KCTD2: variants seen among roughly 807,000 people sequenced by gnomAD.
The protein encoded by KCTD2 is potassium channel tetramerization domain containing 2, also known as BTB/POZ domain-containing protein KCTD2.
In KCTD2, 18 loss-of-function variants were observed where a neutral mutation model predicts 27.9. The ratio of observed to expected loss-of-function variants is 0.64; its 90% CI spans 0.45 to 0.96. The LOEUF is 0.96. KCTD2 is among the 40% of genes least tolerant of loss of function. KCTD2 has a pLI of 0.00. For synonymous variants in KCTD2, 175 were observed against 148.4 expected, an observed-to-expected ratio of 1.18 and a Z score of -1.30; for missense variants, 280 against 348.0, an observed-to-expected ratio of 0.80 and a Z score of 1.56.
At chr17:75,034,926 C>T (rs977146928) in intron 2 of KCTD2, among the ~76,000 whole-genome samples, 2 of 152,066 alleles carry the variant, frequency 1.3e-5, no homozygotes, top group African/African-American at 4.8e-5. Flanking sequence ...GGTCGCAATT[C>T]CCAGGGAGGC....
upstream of KCTD2, chr17:75,042,393 A>G: frequency 6.7e-7 from 1 of 1,500,722 alleles, no homozygotes; most frequent in Non-Finnish European, 9.1e-7. Flanking sequence ...TTCCTCTCCT[A>G]AGATCATCAT....
At chr17:75,041,109 AG>A (rs2073155402) in intron 3 of KCTD2, 1 of 152,124 alleles carries the variant, frequency 6.6e-6, no homozygotes, top group Non-Finnish European at 1.5e-5. Flanking sequence ...CTGTACTCCC[AG>A]CACTTTGGGA....
intron 3 of KCTD2, chr17:75,038,740 A>G: frequency 1.6e-6 from 1 of 614,564 alleles, no homozygotes; most frequent in Non-Finnish European, 2.7e-6. Flanking sequence ...CCCGTCAGAC[A>G]ACCAGCCCAA....
rs933839554 is a variant in KCTD2 at position 75,063,346 on chromosome 17, G to A, written c.*299G>A. On this transcript the variant is annotated 3_prime_UTR_variant, in exon 6 of 6. Coordinates refer to ENST00000322444, the MANE Select transcript of KCTD2 (RefSeq NM_015353.3). ...GCTGGGTTCCCAGTCGGAGCCTTTC[G>A]GGGATCTGGGGGATGAGGGCGGAAG... 1.3e-4 allele frequency: 55 copies of A among 423,868 alleles called. No individual in the cohort carries two copies. The highest frequency in any genetic ancestry group is 6.0e-5 in the African/African-American group (3 of 50,174). 26.3% of individuals were successfully genotyped at this position (423,868 alleles called of 1,614,324 possible). A position where few individuals can be genotyped will look rare whatever the true frequency, so the allele number is the denominator to read the frequency against.
chr17:75,052,487 C>G (rs2073298364), intron 2 of KCTD2, among the ~76,000 whole-genome samples: 1 of 152,154 alleles, frequency 6.6e-6, no homozygotes, highest in African/African-American at 2.4e-5. Flanking sequence ...TTTGGGAGGC[C>G]AAGGCAGATG....
chr17:75,058,731 G>A (rs572036008), intron 3 of KCTD2, among the ~76,000 whole-genome samples: 2 of 151,982 alleles, frequency 1.3e-5, no homozygotes, highest in East Asian at 1.9e-4. Flanking sequence ...CCGGGGAGGC[G>A]GAGTTGCAGT....
upstream of KCTD2, among the ~76,000 whole-genome samples, chr17:75,045,489 G>T (rs1314322708): frequency 6.6e-6 from 1 of 152,222 alleles, no homozygotes; most frequent in Non-Finnish European, 1.5e-5. Context: ...AACCATAAGA[G>T]ACAGGTACGC....
rs975343290 is a variant in KCTD2 at position 75,063,235 on chromosome 17, C to T, written c.*188C>T. On this transcript the variant is annotated 3_prime_UTR_variant, in exon 6 of 6. Transcript: ENST00000322444. ...CACCTGCAGGACTCCGAAGACAGTG[C>T]GACTTCTGGCTGCAGAATACCTTTT... is the stretch of plus-strand genomic sequence containing the variant. 7 of 623,292 alleles carry T rather than the reference C, an allele frequency of 1.1e-5. No individual in the cohort carries two copies. The highest frequency in any genetic ancestry group is 3.7e-5 in the African/African-American group (2 of 54,244). 38.6% of individuals were successfully genotyped at this position (623,292 alleles called of 1,614,324 possible). A position where few individuals can be genotyped will look rare whatever the true frequency, so the allele number is the denominator to read the frequency against.
intron 2 of KCTD2, among the ~76,000 whole-genome samples, chr17:75,051,646 A>C (rs1297245872): frequency 6.9e-6 from 1 of 145,876 alleles, no homozygotes. Flanking sequence ...CCCTACCCCC[A>C]TCCTCTTGCC....
At chr17:75,040,028 G>C in intron 3 of KCTD2, 1 of 1,546,544 alleles carries the variant, frequency 6.5e-7, no homozygotes, top group Non-Finnish European at 8.9e-7. Context: ...ACTTAACTTA[G>C]CTATAATAGA....
chr17:75,056,735 G>A (rs1487819016), intron 3 of KCTD2, among the ~76,000 whole-genome samples: 1 of 152,074 alleles, frequency 6.6e-6, no homozygotes, highest in African/African-American at 2.4e-5. Context: ...GCTGTGTGTG[G>A]ATTTTCGTTT....
intron 4 of KCTD2, among the ~76,000 whole-genome samples, chr17:75,060,989 C>T (rs1408678732): frequency 1.3e-5 from 2 of 152,204 alleles, no homozygotes. Context: ...GGTTGTAAAA[C>T]GTCGCCAAGA....
intron 3 of KCTD2, among the ~76,000 whole-genome samples, chr17:75,057,391 C>G (rs1398835007): frequency 2.6e-5 from 4 of 152,064 alleles, no homozygotes; most frequent in Non-Finnish European, 5.9e-5. Context: ...CAGCTGTGGC[C>G]AACATCACAG....
intron 3 of KCTD2, among the ~76,000 whole-genome samples, chr17:75,037,063 G>A (rs949860767): frequency 1.3e-5 from 2 of 152,128 alleles, no homozygotes; most frequent in African/African-American, 2.4e-5. Flanking sequence ...TGCAAAAATG[G>A]GCCAGGTGCG....
chr17:75,057,591 A>T, intron 3 of KCTD2, among the ~76,000 whole-genome samples: 3 of 128,992 alleles, frequency 2.3e-5, no homozygotes, highest in African/African-American at 3.0e-5. Context: ...GCAGAGTCTT[A>T]CTCTGTCGCC....
At chr17:75,060,584 G>T in intron 4 of KCTD2, 1 of 1,609,882 alleles carries the variant, frequency 6.2e-7, no homozygotes, top group Non-Finnish European at 8.5e-7. Flanking sequence ...AGAGCAGCTG[G>T]CCGGCGCCGG....
Position 75,053,050 on chromosome 17 carries a change from C to T in KCTD2, c.485C>T (p.Ser162Phe). 1.2e-6 allele frequency: 2 copies of T among 1,614,124 alleles called. No individual in the cohort carries two copies. Among genetic ancestry groups the T allele is most frequent in the Non-Finnish European group, 1.7e-6 (2 of 1,180,012 alleles). The change falls in exon 3 of 6, where the codon TCC (serine) becomes TTC (phenylalanine). Residue 162 changes from serine (S) to phenylalanine (F), a missense_variant. Physicochemically the swap from Ser to Phe is radical, Grantham distance 155 (BLOSUM62 -2). Coordinates refer to ENST00000322444, the MANE Select transcript of KCTD2 (RefSeq NM_015353.3). The part of the protein sequence containing the change: ...LEEAEFYNIA[S>F]LVRLVKERIR... The stretch of plus-strand genomic sequence containing the variant: ...GAAGCGGAGTTTTACAACATCGCGT[C>T]CCTTGTGCGGCTGGTTAAGGAAAGG...
rs556544571 is a variant in KCTD2 at position 75,048,611 on chromosome 17, T to G, written c.340-609T>G. On this transcript the variant is annotated intron_variant, in intron 1 of 5. Coordinates refer to ENST00000322444, the MANE Select transcript of KCTD2 (RefSeq NM_015353.3). ...TGTGGTAATAGAAGCCAGTTTCTTC[T>G]TGTTCCTTTTACTGTAAAGATGAGT... is the stretch of plus-strand genomic sequence containing the variant. Among the ~76,000 whole-genome samples, 70 of 152,344 alleles carry G rather than the reference T, an allele frequency of 4.6e-4. 1 individual carries two copies. The highest frequency in any genetic ancestry group is 3.8e-3 in the Admixed American group (58 of 15,286).
At chr17:75,042,601 G>A, upstream of KCTD2, 1 of 1,613,022 alleles carries the variant, frequency 6.2e-7, no homozygotes, top group Non-Finnish European at 8.5e-7. Context: ...TATGATCTCT[G>A]CAAAAGCTAC....
Sources: allele counts gnomAD v4.1 joint callset (sites outside exome capture counted in the v4.1 genomes callset), GRCh38; gene constraint gnomAD v4.1.1; transcripts MANE v1.5; gene names NCBI Gene and HGNC (gene_info 2026-07-23, HGNC 2026-07-21).